Variants in IFT122 observed in about 807,000 individuals in gnomAD.
IFT122 encodes intraflagellar transport protein 122 homolog.
Under a neutral mutation model 161.6 loss-of-function variants are expected in IFT122, and 118 were observed. That is an observed-to-expected ratio of 0.73 (90% CI 0.63 to 0.85). The LOEUF is 0.85. Among genes scored for constraint, IFT122 ranks in the 40% least tolerant of loss-of-function variants. The pLI is 0.00. For synonymous variants in IFT122, 550 were observed against 602.4 expected (o/e 0.91, Z 1.27); for missense variants, 1,381 against 1,579.6 (o/e 0.87, Z 2.13).
At chr3:129,472,609 T>C (rs1485519406) in intron 9 of IFT122, among the ~76,000 whole-genome samples, 5 of 152,352 alleles carry the variant, frequency 3.3e-5, no homozygotes, top group Middle Eastern at 3.4e-3. Flanking sequence ...CACATTGATA[T>C]CGTTCTGTCT....
At chr3:129,464,143 C>T (rs1168625500) in intron 6 of IFT122, among the ~76,000 whole-genome samples, 1 of 152,156 alleles carries the variant, frequency 6.6e-6, no homozygotes, top group African/African-American at 2.4e-5. Context: ...CAGGACAGTA[C>T]CTGGTGTACA....
chr3:129,453,492 A>G (rs1577257931), intron 3 of IFT122, among the ~76,000 whole-genome samples: 1 of 151,934 alleles, frequency 6.6e-6, no homozygotes, highest in East Asian at 1.9e-4. Flanking sequence ...TGAAAGTGAG[A>G]TTAGTTGGTG....
chr3:129,456,228 T>G, intron 3 of IFT122: 3 of 1,286,354 alleles, frequency 2.3e-6, no homozygotes, highest in Non-Finnish European at 3.0e-6. Flanking sequence ...CACCATCACC[T>G]GCTACCTACC....
At chr3:129,458,124 G>A (rs971900450) in intron 3 of IFT122, 1 of 167,710 alleles carries the variant, frequency 6.0e-6, no homozygotes, top group African/African-American at 2.4e-5. Context: ...TCTTCAATGT[G>A]TATGTATATA....
intron 1 of IFT122, among the ~76,000 whole-genome samples, chr3:129,440,755 C>A (rs1271859415): frequency 2.0e-5 from 3 of 152,202 alleles, no homozygotes; most frequent in Non-Finnish European, 4.4e-5. Flanking sequence ...TAAATTGTCT[C>A]ATTTATTTTA....
chr3:129,518,324 C>G lies in IFT122; in HGVS notation c.3391+730C>G, dbSNP rs2084270941. Among the ~76,000 whole-genome samples, 12 of 152,356 alleles carry G rather than the reference C, an allele frequency of 7.9e-5. No homozygotes were observed. In the South Asian group the frequency reaches 2.3e-3, roughly 29 times the overall value. ...AGTTGTCCAGGGCAGGCCACACTTG[C>G]AGGCTGGACATGGGAGGGGCTTCTG... On this transcript the variant is annotated intron_variant, in intron 27 of 29. Coordinates refer to ENST00000348417, the MANE Select transcript of IFT122 (RefSeq NM_052989.3).
At chr3:129,458,763 A>T in intron 4 of IFT122, 86 bp downstream of exon 4, 1 of 1,054,180 alleles carries the variant, frequency 9.5e-7, no homozygotes, top group Non-Finnish European at 1.5e-6. Flanking sequence ...TGTAGGAGAA[A>T]ACTTTTTTCT....
rs183623890 is a variant in IFT122, at chr3:129,495,968, C to T, written c.2208+361C>T. Reference sequence around the variant, plus strand: ...ATCCTTGTCAGGAGCCGCCAAGAATCGGTGTCTTCAGGCAGGAGCCGGTCC... The same window carrying T: ...ATCCTTGTCAGGAGCCGCCAAGAATTGGTGTCTTCAGGCAGGAGCCGGTCC... On this transcript the variant is annotated intron_variant, in intron 18 of 29. Coordinates refer to ENST00000348417, the MANE Select transcript of IFT122 (RefSeq NM_052989.3). Among the ~76,000 whole-genome samples the T allele has an allele frequency of 5.2e-3, 786 of 152,352 alleles. 6 individuals are homozygous for T. Among genetic ancestry groups the T allele is most frequent in the Non-Finnish European group, 8.2e-3 (558 of 68,038 alleles).
chr3:129,476,319 G>A lies in IFT122; in HGVS notation c.821G>A (p.Gly274Glu). The change falls in exon 10 of 30, where the codon GGA (glycine) becomes GAA (glutamate). Residue 274 changes from glycine to glutamate, a missense_variant. Coordinates refer to ENST00000348417, the MANE Select transcript of IFT122 (RefSeq NM_052989.3). ...CTGTGTGTTCTTTTTCCTCAGATTGGAAAGGATCGGGCACTGAACTTTGAC... is the reference window on the plus strand; with the variant it reads ...CTGTGTGTTCTTTTTCCTCAGATTGAAAAGGATCGGGCACTGAACTTTGAC... ...SFYQLSGKQI[G>E]KDRALNFDPC... is the part of the protein sequence containing the mutation. 1 of 1,614,200 alleles carries A rather than the reference G, an allele frequency of 6.2e-7. No individual in the cohort carries two copies. Among genetic ancestry groups the A allele is most frequent in the Non-Finnish European group, 8.5e-7 (1 of 1,180,034 alleles).
At chr3:129,504,908 G>GTCTCA (rs143645915) in intron 21 of IFT122, among the ~76,000 whole-genome samples, 1 of 133,496 alleles carries the variant, frequency 7.5e-6, no homozygotes, top group East Asian at 2.9e-4. Flanking sequence ...GTGAGGCATG[G>GTCTCA]TCTCTACTGA....
At chr3:129,501,832 T>C (rs2081592937) in intron 19 of IFT122, among the ~76,000 whole-genome samples, 1 of 152,206 alleles carries the variant, frequency 6.6e-6, no homozygotes, top group Non-Finnish European at 1.5e-5. Flanking sequence ...AGTGTTATTT[T>C]TAGATGCCAT....
At chr3:129,518,274 C>T (rs780605044) in intron 27 of IFT122, among the ~76,000 whole-genome samples, 3 of 152,256 alleles carry the variant, frequency 2.0e-5, no homozygotes, top group African/African-American at 7.2e-5. Flanking sequence ...CAGCCTGCCC[C>T]TTGGCCAGGA....
At chr3:129,517,212 G>T (rs1387428533) in intron 26 of IFT122, among the ~76,000 whole-genome samples, 1 of 124,474 alleles carries the variant, frequency 8.0e-6, no homozygotes, top group Non-Finnish European at 1.6e-5. Context: ...CACACAGACT[G>T]CCCCTGCACA....
At chr3:129,519,295 T>TC in intron 28 of IFT122, 109 bp downstream of exon 28, 2 of 1,129,572 alleles carry the variant, frequency 1.8e-6, no homozygotes, top group East Asian at 2.4e-5. Context: ...GGCCAGAACT[T>TC]CCAGATGTGG....
chr3:129,468,373 T>C lies in IFT122; in HGVS notation c.741-969T>C, dbSNP rs1258144229. ...TCTTTTTTTTTTTTGTGACAGAGTC[T>C]GGCTCTGTCACCTGGGCTGGAGTGC... On this transcript the variant is annotated intron_variant, in intron 8 of 29. Coordinates refer to ENST00000348417, the MANE Select transcript of IFT122 (RefSeq NM_052989.3). 5.9e-5 allele frequency among the ~76,000 whole-genome samples: 9 copies of C among 152,180 alleles called. 2 individuals carry two copies. The highest frequency in any genetic ancestry group is 5.9e-4 in the Admixed American group (9 of 15,286).
At chr3:129,442,116 G>C (rs1417382672) in intron 1 of IFT122, among the ~76,000 whole-genome samples, 2 of 152,054 alleles carry the variant, frequency 1.3e-5, no homozygotes, top group Non-Finnish European at 2.9e-5. Flanking sequence ...ACAAAACACC[G>C]TGTGGGCCAA....
intron 18 of IFT122, among the ~76,000 whole-genome samples, chr3:129,498,255 G>A (rs1014525985): frequency 1.3e-5 from 2 of 152,190 alleles, no homozygotes; most frequent in Non-Finnish European, 2.9e-5. Context: ...CACCCTTGCC[G>A]TGGTCACCCC....
rs189917199 is a variant in IFT122 at position 129,504,914 on chromosome 3, A to G, written c.2650+493A>G. 1.6e-3 allele frequency among the ~76,000 whole-genome samples: 227 copies of G among 142,692 alleles called. 2 individuals are homozygous for G. In the East Asian group the frequency reaches 0.036, roughly 23 times the overall value. The allele number at this position is 142,692 out of a possible 152,430, so 93.6% of individuals were successfully genotyped here. A position where few individuals can be genotyped will look rare whatever the true frequency, so the allele number is the denominator to read the frequency against. On this transcript the variant is annotated intron_variant, in intron 21 of 29. Transcript: ENST00000348417. ...CCACACAGTGTGAGGCATGGTCTCT[A>G]CTGAGAATAGAAACTCAGCTTCTAT...
chr3:129,460,133 A>T (rs898204406), intron 4 of IFT122, among the ~76,000 whole-genome samples: 3 of 152,180 alleles, frequency 2.0e-5, no homozygotes, highest in Admixed American at 6.5e-5. Flanking sequence ...TGTTAAATAC[A>T]TTTACATTGT....
Sources: allele counts gnomAD v4.1 joint callset (sites outside exome capture counted in the v4.1 genomes callset), GRCh38; gene constraint gnomAD v4.1.1; transcripts MANE v1.5; gene names NCBI Gene and HGNC (gene_info 2026-07-23, HGNC 2026-07-21).